Variants in DCDC2C observed in about 807,000 individuals in gnomAD.
DCDC2C encodes doublecortin domain containing 2C, also known as doublecortin domain-containing protein 2C.
DCDC2C carries 44 observed loss-of-function variants against 45.0 expected under a neutral mutation model. That is an observed-to-expected ratio of 0.98 (90% confidence interval 0.77 to 1.26). The LOEUF (loss-of-function observed/expected upper bound fraction) is 1.26. DCDC2C is among the 50% of genes most tolerant of loss of function. DCDC2C has a pLI of 0.00. For synonymous variants in DCDC2C, 187 were observed against 178.8 expected (o/e 1.05, Z -0.37); for missense variants, 447 against 468.9 (o/e 0.95, Z 0.43).
chr2:3,727,292 C>T (rs1026857433), intron 3 of DCDC2C, among the ~76,000 whole-genome samples: 1 of 151,378 alleles, frequency 6.6e-6, no homozygotes, highest in African/African-American at 2.4e-5. Flanking sequence ...CCTTTTCTTT[C>T]TCCTCTTGAA....
At chr2:3,804,951 A>T (rs1441264200) in intron 10 of DCDC2C, among the ~76,000 whole-genome samples, 1 of 152,244 alleles carries the variant, frequency 6.6e-6, no homozygotes, top group Non-Finnish European at 1.5e-5. Context: ...AGAAATATAA[A>T]CTAAAGTAGG....
At chr2:3,707,653 G>A (rs140875161) in intron 1 of DCDC2C, among the ~76,000 whole-genome samples, 176 of 152,276 alleles carry the variant, frequency 1.2e-3, no homozygotes, top group Non-Finnish European at 2.0e-3. Flanking sequence ...GTGCATCTCC[G>A]CTATCTGGAC....
At chr2:3,773,886 G>T (rs1432087818) in intron 8 of DCDC2C, among the ~76,000 whole-genome samples, 1 of 152,198 alleles carries the variant, frequency 6.6e-6, no homozygotes, top group East Asian at 1.9e-4. Context: ...AAATCACAAA[G>T]GATTGGGTCC....
chr2:3,766,289 TACATAC>T (rs1286695848), intron 6 of DCDC2C, among the ~76,000 whole-genome samples: 1 of 149,604 alleles, frequency 6.7e-6, no homozygotes, highest in Non-Finnish European at 1.5e-5. Context: ...TACACACTCA[TACATAC>T]ACATACACAC....
intron 8 of DCDC2C, among the ~76,000 whole-genome samples, chr2:3,777,721 GGTCTGCCATACTGAAGACATACCTACAC>G (rs1446353822): frequency 6.6e-6 from 1 of 152,142 alleles, no homozygotes; most frequent in Non-Finnish European, 1.5e-5. Flanking sequence ...GGGCTGATGG[GGTCTGCCATACTGAAGACATACCTACAC>G]GTCTGCCTCG....
chr2:3,717,962 G>A (rs1366533315), intron 2 of DCDC2C, among the ~76,000 whole-genome samples: 1 of 152,188 alleles, frequency 6.6e-6, no homozygotes, highest in Non-Finnish European at 1.5e-5. Flanking sequence ...CCTAGTGAGG[G>A]TCAGATGTTC....
chr2:3,728,921 T>G (rs928203926), intron 3 of DCDC2C, among the ~76,000 whole-genome samples: 2 of 152,050 alleles, frequency 1.3e-5, no homozygotes, highest in African/African-American at 4.8e-5. Context: ...GGTGAGTGCA[T>G]GGGTTGGAAG....
intron 10 of DCDC2C, among the ~76,000 whole-genome samples, chr2:3,797,544 C>T (rs920726947): frequency 1.1e-4 from 16 of 141,536 alleles, no homozygotes; most frequent in Non-Finnish European, 2.0e-4. Flanking sequence ...GCTTTGAATG[C>T]GTCCCAGAGA....
intron 2 of DCDC2C, among the ~76,000 whole-genome samples, chr2:3,725,480 A>G (rs1428455221): frequency 4.0e-4 from 39 of 97,810 alleles, no homozygotes; most frequent in Non-Finnish European, 6.8e-4. Context: ...TGGATCCCAG[A>G]GGAAGACGAG....
intron 2 of DCDC2C, among the ~76,000 whole-genome samples, chr2:3,718,150 T>G (rs1029762139): frequency 6.6e-6 from 1 of 152,194 alleles, no homozygotes; most frequent in African/African-American, 2.4e-5. Context: ...CCATCAGAGG[T>G]GGGTCCTCTA....
At chr2:3,704,325 T>A (rs1414759948) in intron 1 of DCDC2C, among the ~76,000 whole-genome samples, 1 of 119,312 alleles carries the variant, frequency 8.4e-6, no homozygotes, top group African/African-American at 3.1e-5. Context: ...CAGGAGGGCG[T>A]GGGGGAGGGG....
intron 3 of DCDC2C, among the ~76,000 whole-genome samples, chr2:3,729,452 C>G (rs1203453288): frequency 1.3e-5 from 2 of 152,206 alleles, no homozygotes; most frequent in African/African-American, 4.8e-5. Flanking sequence ...CTGAGTTCCA[C>G]TCTGATTTGT....
At chr2:3,779,877 G>A (rs905617579) in intron 9 of DCDC2C, among the ~76,000 whole-genome samples, 1 of 152,102 alleles carries the variant, frequency 6.6e-6, no homozygotes, top group Non-Finnish European at 1.5e-5. Context: ...CTGGAGCCAC[G>A]CAGGTCACCC....
At chr2:3,796,809 A>G (rs1460320540) in intron 10 of DCDC2C, among the ~76,000 whole-genome samples, 1 of 150,328 alleles carries the variant, frequency 6.7e-6, no homozygotes, top group Non-Finnish European at 1.5e-5. Context: ...ATGTTCATCA[A>G]GGATATTGGT....
At chr2:3,801,018 A>G (rs558040448) in intron 10 of DCDC2C, among the ~76,000 whole-genome samples, 1 of 152,342 alleles carries the variant, frequency 6.6e-6, no homozygotes, top group South Asian at 2.1e-4. Context: ...TACAATGAGC[A>G]TAGTTTCAAC....
At position 3,704,012 on chromosome 2, in the gene DCDC2C, G is replaced by A. The variant is rs957899482; in HGVS notation, c.261G>A (p.Ala87=). 6.2e-6 allele frequency: 8 copies of A among 1,284,474 alleles called. No homozygotes were observed. In the African/African-American group the frequency reaches 7.7e-5, roughly 12 times the overall value. The allele number at this position is 1,284,474 out of a possible 1,614,324, so 79.6% of individuals were successfully genotyped here. ...ALQAGGKYVA[A]GRERFKELDY... The stretch of plus-strand genomic sequence containing the variant: ...AGGCGGGCGGCAAGTACGTGGCGGC[G>A]GGCCGCGAGCGCTTCAAGGAGCTCG... The change falls in exon 1 of 11, where the codon GCG becomes GCA. Residue 87 remains alanine (A), a synonymous_variant. Coordinates refer to ENST00000399143, the MANE Select transcript of DCDC2C (RefSeq NM_001287444.2).
chr2:3,746,031 G>A (rs778663492), intron 4 of DCDC2C, among the ~76,000 whole-genome samples: 6 of 152,112 alleles, frequency 3.9e-5, no homozygotes, highest in Non-Finnish European at 8.8e-5. Flanking sequence ...AAATTCTGTA[G>A]GTCTCTGTGC....
At chr2:3,810,348 T>A (rs1671363984) in intron 10 of DCDC2C, among the ~76,000 whole-genome samples, 1 of 152,236 alleles carries the variant, frequency 6.6e-6, no homozygotes, top group African/African-American at 2.4e-5. Flanking sequence ...TGATCAGCGA[T>A]GTTGAACTTT....
chr2:3,757,712 C>T (rs1669760659), intron 6 of DCDC2C, among the ~76,000 whole-genome samples: 1 of 152,166 alleles, frequency 6.6e-6, no homozygotes, highest in African/African-American at 2.4e-5. Flanking sequence ...TGTCGATAAG[C>T]ATGGGCGTAA....
Sources: allele counts gnomAD v4.1 joint callset (sites outside exome capture counted in the v4.1 genomes callset), GRCh38; gene constraint gnomAD v4.1.1; transcripts MANE v1.5; gene names NCBI Gene and HGNC (gene_info 2026-07-23, HGNC 2026-07-21).